The following NINJ2 variants were observed in gnomAD, a reference collection of about 807,000 sequenced individuals.
NINJ2 encodes the protein ninjurin-2.
In NINJ2, 12 loss-of-function variants were observed where a neutral mutation model predicts 11.7. The observed-to-expected ratio is 1.02, with a 90% CI of 0.66 to 1.66. The LOEUF (loss-of-function observed/expected upper bound fraction) is 1.66, where lower values mean the gene tolerates loss of function less well. Among genes scored for constraint, NINJ2 ranks in the 40% most tolerant of loss-of-function variants. The pLI is 0.00. For missense variants in NINJ2, 187 were observed against 181.8 expected, an observed-to-expected ratio of 1.03 and a Z score of -0.16; for synonymous variants, 93 against 76.8, an observed-to-expected ratio of 1.21 and a Z score of -1.10.
chr12:643,856 C>G, intron 1 of NINJ2: 1 of 185,732 alleles, frequency 5.4e-6, no homozygotes, highest in Non-Finnish European at 1.0e-5. Flanking sequence ...TGACACTTTC[C>G]TTGACCCCAC....
intron 1 of NINJ2, among the ~76,000 whole-genome samples, chr12:629,896 A>AAAAAAAAAATATATATATAT: frequency 1.0e-4 from 1 of 9,902 alleles, no homozygotes; most frequent in African/African-American, 1.5e-4. Context: ...AAAAAAAAAA[A>AAAAAAAAAATATATATATAT]ATATATATAT....
At chr12:657,988 C>CTTTTTTTT (rs1164230214) in intron 1 of NINJ2, among the ~76,000 whole-genome samples, 1 of 54,396 alleles carries the variant, frequency 1.8e-5, no homozygotes, top group African/African-American at 7.5e-5. Context: ...CCTACACAGG[C>CTTTTTTTT]TTTTTTTTTT....
intron 1 of NINJ2, among the ~76,000 whole-genome samples, chr12:629,348 A>G (rs574574108): frequency 6.6e-6 from 1 of 152,288 alleles, no homozygotes; most frequent in East Asian, 1.9e-4. Flanking sequence ...ATTTGCACCG[A>G]GGCAGTCTGG....
In NINJ2 at chr12:633,368, C is replaced by T. The variant is rs998438702; in HGVS notation, c.33+29960G>A. On this transcript the variant is annotated intron_variant, in intron 1 of 3. Coordinates refer to ENST00000305108, the MANE Select transcript of NINJ2 (RefSeq NM_016533.6). The surrounding 1 kb of genome is among the most constrained non-coding windows in gnomAD (Gnocchi z 4.3). ...CAAAAATTAGCCAGACATGGTGGCA[C>T]GTGCCTGTAATCCCAGCTACCCGGG... is the stretch of plus-strand genomic sequence containing the variant. Among the ~76,000 whole-genome samples, 9 of 152,058 alleles carry T rather than the reference C, an allele frequency of 5.9e-5. No individual in the cohort carries two copies. Among genetic ancestry groups the T allele is most frequent in the African/African-American group, 1.2e-4 (5 of 41,404 alleles).
chr12:582,760 C>T (rs1378810917), intron 1 of NINJ2, among the ~76,000 whole-genome samples: 1 of 69,356 alleles, frequency 1.4e-5, no homozygotes. Flanking sequence ...AATGAATGGA[C>T]GCAGGCAGGC....
chr12:630,629 G>A (rs923643778), intron 1 of NINJ2, among the ~76,000 whole-genome samples: 1 of 152,166 alleles, frequency 6.6e-6, no homozygotes, highest in African/African-American at 2.4e-5. Context: ...TGCCCGCCTC[G>A]GCCCCCCAAA....
Position 614,458 on chromosome 12 carries a change from G to T in NINJ2, c.34-48280C>A, listed in dbSNP as rs1211350627. Among the ~76,000 whole-genome samples, 2 of 152,082 alleles carry T rather than the reference G, an allele frequency of 1.3e-5. No individual in the cohort carries two copies. The highest frequency in any genetic ancestry group is 6.6e-5 in the Admixed American group (1 of 15,262). On this transcript the variant is annotated intron_variant, in intron 1 of 3. Coordinates refer to ENST00000305108, the MANE Select transcript of NINJ2 (RefSeq NM_016533.6). This position sits in a 1 kb window ranked among gnomAD's most constrained non-coding sequence, Gnocchi z 5.1. ...GTGAGCTTCATGCCCAGGGGACATG[G>T]TGGGGTGGGGGTGGCGGTGTGCCTG...
chr12:601,425 G>C (rs185169977), intron 1 of NINJ2, among the ~76,000 whole-genome samples: 4,008 of 151,918 alleles, frequency 0.026, 184 homozygotes, highest in African/African-American at 0.085. Context: ...GCGGGCGCCT[G>C]TAGTCCCAGC....
intron 1 of NINJ2, among the ~76,000 whole-genome samples, chr12:578,937 A>G (rs1947508831): frequency 1.3e-5 from 2 of 152,200 alleles, no homozygotes; most frequent in South Asian, 4.1e-4. Context: ...CCTCACTCAG[A>G]AGCACTGAGA....
chr12:603,143 C>A lies in NINJ2; in HGVS notation c.34-36965G>T, dbSNP rs187990524. ...TGAGCCACCACACTGGGCCTGTTTGCGGTTTTGAGTTTATATTTTCTTGCT... is the reference window on the plus strand; with the variant it reads ...TGAGCCACCACACTGGGCCTGTTTGAGGTTTTGAGTTTATATTTTCTTGCT... On this transcript the variant is annotated intron_variant, in intron 1 of 3. Transcript: ENST00000305108. Among the ~76,000 whole-genome samples, 33 of 152,154 alleles carry A rather than the reference C, an allele frequency of 2.2e-4. No homozygotes were observed. The South Asian group carries it at 6.6e-3, about 31-fold the overall frequency.
At chr12:610,535 T>C in intron 1 of NINJ2, 1 of 1,477,596 alleles carries the variant, frequency 6.8e-7, no homozygotes, top group South Asian at 1.3e-5. Flanking sequence ...GGGCCCTGCA[T>C]GCAGCAGATG....
At chr12:574,680 T>A (rs930065561) in intron 1 of NINJ2, among the ~76,000 whole-genome samples, 1 of 152,246 alleles carries the variant, frequency 6.6e-6, no homozygotes, top group African/African-American at 2.4e-5. Context: ...GACTTGCCAG[T>A]CTCCAGAACC....
At chr12:644,889 T>A (rs1937652182) in intron 1 of NINJ2, 1 of 152,104 alleles carries the variant, frequency 6.6e-6, no homozygotes, top group African/African-American at 2.4e-5. Context: ...TGGGTTTGGA[T>A]ATAATCCTGA....
intron 1 of NINJ2, among the ~76,000 whole-genome samples, chr12:582,117 G>T (rs1947563746): frequency 2.0e-5 from 3 of 152,236 alleles, no homozygotes; most frequent in Non-Finnish European, 4.4e-5. Flanking sequence ...GGCAAGATTT[G>T]AACCCGGGTC....
chr12:649,531 G>GTATATATATATATATATATATATATA lies in NINJ2; in HGVS notation c.33+13796_33+13797insTATATATATATATATATATATATATA, dbSNP rs58255301. 4.9e-3 allele frequency among the ~76,000 whole-genome samples: 625 copies of GTATATATATATATATATATATATATA among 127,450 alleles called. 11 individuals are homozygous for GTATATATATATATATATATATATATA. The highest frequency in any genetic ancestry group is 6.1e-3 in the East Asian group (24 of 3,936). The allele number at this position is 127,450 out of a possible 152,430, so 83.6% of individuals were successfully genotyped here. On this transcript the variant is annotated intron_variant, in intron 1 of 3. Transcript: ENST00000305108. ...AGTGAATATGTGTGTGTGTATATGTGTATATATATATATATATATATAGTA... is the reference window on the plus strand; with the variant it reads ...AGTGAATATGTGTGTGTGTATATGTGTATATATATATATATATATATATATATATATATATATATATATATATAGTA...
intron 1 of NINJ2, among the ~76,000 whole-genome samples, chr12:661,396 AT>A (rs1348275766): frequency 6.6e-6 from 1 of 152,264 alleles, no homozygotes; most frequent in Non-Finnish European, 1.5e-5. Flanking sequence ...TGGACAATAA[AT>A]TGTAGAAAAT....
rs183138552 is a variant in NINJ2, at chr12:651,400, G to A, written c.33+11928C>T. On this transcript the variant is annotated intron_variant, in intron 1 of 3. Coordinates refer to ENST00000305108, the MANE Select transcript of NINJ2 (RefSeq NM_016533.6). The stretch of plus-strand genomic sequence containing the variant: ...CCCACCTAAGGTGTGGGTACTAGAC[G>A]CATTTGTGATGTTCAGTCCAGAGGC... 1.2e-3 allele frequency among the ~76,000 whole-genome samples: 177 copies of A among 152,286 alleles called. 1 individual carries two copies. Among genetic ancestry groups the A allele is most frequent in the Non-Finnish European group, 1.4e-3 (96 of 68,028 alleles).
rs139900300 is a variant in NINJ2 at position 585,094 on chromosome 12, G to C, written c.34-18916C>G. ...AGATCGCGCCACTGCGCTCCAGCCTGGGAGACAGAGCGAGACTCCGTCTCA... is the reference window on the plus strand; with the variant it reads ...AGATCGCGCCACTGCGCTCCAGCCTCGGAGACAGAGCGAGACTCCGTCTCA... On this transcript the variant is annotated intron_variant, in intron 1 of 3. Transcript: ENST00000305108. The surrounding 1 kb of genome is among the most constrained non-coding windows in gnomAD (Gnocchi z 4.1). 3.0e-4 allele frequency among the ~76,000 whole-genome samples: 46 copies of C among 152,388 alleles called. No homozygotes were observed. The East Asian group carries it at 5.6e-3, about 19-fold the overall frequency.
intron 1 of NINJ2, among the ~76,000 whole-genome samples, chr12:661,885 G>A (rs1427444399): frequency 1.3e-5 from 2 of 152,160 alleles, no homozygotes; most frequent in Admixed American, 6.5e-5. Context: ...AGCAATGACC[G>A]TGTACCAAGA....
Sources: gnomAD v4.1 joint callset for allele counts (sites outside exome capture counted in the v4.1 genomes callset) on GRCh38, gnomAD v4.1.1 for gene constraint, Gnocchi (gnomAD v3.1) non-coding constraint, MANE v1.5 for transcripts, NCBI Gene and HGNC (gene_info 2026-07-23, HGNC 2026-07-21) for gene names.